WNT8A: variants seen among roughly 807,000 people sequenced by gnomAD.
WNT8A encodes protein Wnt-8a.
A neutral mutation model predicts 20.5 loss-of-function variants in WNT8A; 14 were observed. The ratio of observed to expected loss-of-function variants is 0.68; its 90% CI spans 0.45 to 1.07. WNT8A has a LOEUF of 1.07. Ranked by LOEUF, WNT8A falls within the 50% of genes least tolerant of loss-of-function variation. The probability of loss-of-function intolerance (pLI) is 0.00; values close to 1 mark genes in which losing one functional copy is unlikely to be tolerated. For missense variants in WNT8A, 397 were observed against 462.9 expected (o/e 0.86, Z 1.31); for synonymous variants, 167 against 169.2 (o/e 0.99, Z 0.10).
chr5:138,079,377 A>C (rs556285859), upstream of WNT8A, among the ~76,000 whole-genome samples: 3 of 148,912 alleles, frequency 2.0e-5, no homozygotes, highest in South Asian at 6.3e-4. Flanking sequence ...TTATATTAAA[A>C]ACAAAGGTAA....
At chr5:138,083,678 A>G (rs917484669), upstream of WNT8A, among the ~76,000 whole-genome samples, 17 of 152,204 alleles carry the variant, frequency 1.1e-4, no homozygotes, top group African/African-American at 3.9e-4. Flanking sequence ...AGGACACTGT[A>G]GCTCCAAGAA....
Position 138,090,566 on chromosome 5 carries a change from T to C in WNT8A, c.603T>C (p.His201=). The C allele has an allele frequency of 6.2e-7, 1 of 1,614,182 alleles. No individual in the cohort carries two copies. Residue 201 remains histidine, a synonymous_variant, in exon 5 of 5, where the codon CAT becomes CAC. Coordinates refer to ENST00000506684, the MANE Select transcript of WNT8A (RefSeq NM_001300939.2). ...CCATGAAAAGGACATGCAAATGTCA[T>C]GGCATCTCTGGGAGCTGCAGCATAC... is the stretch of plus-strand genomic sequence containing the variant. ...RATMKRTCKC[H]GISGSCSIQT...
chr5:138,080,791 T>C (rs995020101), upstream of WNT8A, among the ~76,000 whole-genome samples: 6 of 152,070 alleles, frequency 3.9e-5, no homozygotes, highest in African/African-American at 1.4e-4. Context: ...TTAGTGGTCA[T>C]TCAACCTTCA....
At chr5:138,089,107 C>T (rs1258545414) in intron 4 of WNT8A, 38 bp downstream of exon 4, 16 of 1,599,460 alleles carry the variant, frequency 1.0e-5, no homozygotes, top group Non-Finnish European at 1.3e-5. Context: ...TCTACAGCTT[C>T]ACATCTGCCC....
chr5:138,078,978 C>T, the WNT8A span, among the ~76,000 whole-genome samples: 2 of 152,084 alleles, frequency 1.3e-5, no homozygotes, highest in African/African-American at 2.4e-5. Context: ...GCTTATTCAT[C>T]GTATCTATTT....
upstream of WNT8A, among the ~76,000 whole-genome samples, chr5:138,079,623 C>A (rs1350393484): frequency 3.9e-5 from 6 of 152,100 alleles, no homozygotes; most frequent in African/African-American, 1.4e-4. Flanking sequence ...AGTTGTTAAT[C>A]ATTTACCAGC....
chr5:138,083,808 T>G, upstream of WNT8A: 1 of 378,502 alleles, frequency 2.6e-6, no homozygotes, highest in Non-Finnish European at 4.7e-6. Context: ...ATCTCACGTA[T>G]AGGAGAAAAG....
chr5:138,084,691 G>A, intron 2 of WNT8A, 55 bp downstream of exon 2: 1 of 1,529,848 alleles, frequency 6.5e-7, no homozygotes, highest in Non-Finnish European at 8.8e-7. Context: ...ATGGAGTGGG[G>A]CTTGCAGTAT....
intron 4 of WNT8A, among the ~76,000 whole-genome samples, chr5:138,090,285 G>T (rs1468584476): frequency 1.3e-5 from 2 of 152,154 alleles, no homozygotes; most frequent in Non-Finnish European, 2.9e-5. Context: ...GCTCTTGCCT[G>T]GCTCTCCATC....
chr5:138,090,381 G>A, intron 4 of WNT8A, 147 bp from the exon 5 acceptor site: 2 of 700,366 alleles, frequency 2.9e-6, no homozygotes, highest in Non-Finnish European at 4.7e-6. Flanking sequence ...AGGTAGGGTC[G>A]AGGAATAAAT....
Position 138,089,089 on chromosome 5 carries a change from C to T in WNT8A, c.564+20C>T. ...AGACTGGTGGGTATAGGCATTGTGG[C>T]CAGTATTTCTACAGCTTCACATCTG... is the stretch of plus-strand genomic sequence containing the variant. On this transcript the variant is annotated intron_variant, in intron 4 of 4. Transcript: ENST00000506684. The T allele has an allele frequency of 6.2e-7, 1 of 1,609,030 alleles. No individual in the cohort carries two copies. The highest frequency in any genetic ancestry group is 8.5e-7 in the Non-Finnish European group (1 of 1,177,762).
upstream of WNT8A, among the ~76,000 whole-genome samples, chr5:138,080,319 C>CAAAAAAA (rs1213283315): frequency 3.2e-4 from 21 of 65,562 alleles, no homozygotes; most frequent in Non-Finnish European, 6.2e-4. Context: ...GACTCCTTCT[C>CAAAAAAA]AAAAAAAAAA....
intron 4 of WNT8A, among the ~76,000 whole-genome samples, chr5:138,089,360 C>T (rs373669728): frequency 7.2e-5 from 11 of 152,136 alleles, no homozygotes; most frequent in East Asian, 1.9e-4. Flanking sequence ...AACACAGAAC[C>T]GAGGCCTTGC....
chr5:138,087,891 C>G lies in WNT8A; in HGVS notation c.381C>G (p.Phe127Leu), dbSNP rs761285990. 6.2e-7 allele frequency: 1 copy of G among 1,613,890 alleles called. No homozygotes were observed. Among genetic ancestry groups the G allele is most frequent in the Non-Finnish European group, 8.5e-7 (1 of 1,179,902 alleles). The stretch of plus-strand genomic sequence containing the variant: ...CCAAGAACTGTAGCATGGGTGACTT[C>G]GAAAACTGTGGCTGTGATGGGTCAA... ...IITKNCSMGD[F>L]ENCGCDGSNN... The change falls in exon 3 of 5, where the codon TTC becomes TTG. Residue 127 changes from phenylalanine to leucine, a missense_variant. Coordinates refer to ENST00000506684, the MANE Select transcript of WNT8A (RefSeq NM_001300939.2).
upstream of WNT8A, among the ~76,000 whole-genome samples, chr5:138,080,450 T>TTTG (rs1554086771): frequency 3.2e-5 from 3 of 93,842 alleles, no homozygotes; most frequent in African/African-American, 1.2e-4. Flanking sequence ...TCTTGTTTTT[T>TTTG]TTTTTTTTTT....
intron 2 of WNT8A, 125 bp downstream of exon 2, chr5:138,084,761 C>T: frequency 1.6e-6 from 2 of 1,256,916 alleles, no homozygotes; most frequent in Non-Finnish European, 2.1e-6. Context: ...GACCTGCTGA[C>T]CTGCCATTTC....
At chr5:138,084,788 G>A in intron 2 of WNT8A, 152 bp downstream of exon 2, 1 of 1,104,984 alleles carries the variant, frequency 9.0e-7, no homozygotes, top group Non-Finnish European at 1.2e-6. Context: ...GTGTGGCCTT[G>A]AGTAAATTAC....
At chr5:138,088,710 C>T (rs1561576671) in intron 3 of WNT8A, among the ~76,000 whole-genome samples, 1 of 152,154 alleles carries the variant, frequency 6.6e-6, no homozygotes, top group Non-Finnish European at 1.5e-5. Context: ...CCTACTTTTA[C>T]TGTGGGTATA....
At position 138,090,995 on chromosome 5, in the gene WNT8A, G is replaced by GT. The variant is rs1188594451; in HGVS notation, c.1033dup (p.Cys345LeufsTer2). 1 of 1,614,086 alleles carries GT rather than the reference G, an allele frequency of 6.2e-7. No homozygotes were observed. The highest frequency in any genetic ancestry group is 1.3e-5 in the African/African-American group (1 of 74,924). ...GGTGCTGTACGGTCAAGTGTGACCA[G>GT]TGTAGGCATGTGGTGAGCAAGTATT... is the stretch of plus-strand genomic sequence containing the variant. On this transcript the variant is annotated frameshift_variant, in exon 5 of 5. Transcript: ENST00000506684. LOFTEE classifies it low-confidence loss of function (END_TRUNC).
Sources: allele counts gnomAD v4.1 joint callset (sites outside exome capture counted in the v4.1 genomes callset), GRCh38; gene constraint gnomAD v4.1.1; transcripts MANE v1.5; gene names NCBI Gene and HGNC (gene_info 2026-07-23, HGNC 2026-07-21).